Variants in ATG4A observed in about 807,000 individuals in gnomAD.
ATG4A encodes the protein cysteine protease ATG4A.
Under a neutral mutation model 38.4 loss-of-function variants are expected in ATG4A, and 22 were observed. That is an observed-to-expected ratio of 0.57 (90% confidence interval 0.41 to 0.82). ATG4A has a LOEUF of 0.82. ATG4A is among the 40% of genes least tolerant of loss of function. ATG4A has a pLI of 0.00. For synonymous variants in ATG4A, 86 were observed against 100.7 expected (o/e 0.85, Z 0.88); for missense variants, 220 against 290.0 (o/e 0.76, Z 1.75).
chrX:108,141,088 A>C (rs1271854410), intron 9 of ATG4A, among the ~76,000 whole-genome samples: 4 of 77,577 alleles, frequency 5.2e-5, no homozygotes, highest in Non-Finnish European at 9.6e-5. Context: ...ATATATATAT[A>C]TATATATATA....
intron 9 of ATG4A, among the ~76,000 whole-genome samples, chrX:108,138,865 G>T (rs1279290646): frequency 8.9e-6 from 1 of 111,842 alleles, no homozygotes. Context: ...TAGGTCTTGG[G>T]TGCGGCCTGA....
chrX:108,116,834 T>C (rs5973843), intron 1 of ATG4A, among the ~76,000 whole-genome samples: 55,396 of 110,418 alleles, frequency 0.5, 10,913 homozygotes, highest in African/African-American at 0.69. Flanking sequence ...CAAGCTTTCT[T>C]TGTCTGGAAT....
At chrX:108,141,114 A>C (rs2033282496) in intron 9 of ATG4A, among the ~76,000 whole-genome samples, 2 of 76,108 alleles carry the variant, frequency 2.6e-5, no homozygotes, top group East Asian at 4.0e-4. Context: ...ATATATCACT[A>C]AGGAATGGTG....
chrX:108,145,662 T>C (rs1272186667), intron 9 of ATG4A, among the ~76,000 whole-genome samples: 1 of 112,157 alleles, frequency 8.9e-6, no homozygotes, highest in Non-Finnish European at 1.9e-5. Flanking sequence ...ATCTCTGCAA[T>C]CCCTCCAGGG....
At chrX:108,105,757 T>A (rs1039104846) in intron 1 of ATG4A, among the ~76,000 whole-genome samples, 3 of 111,391 alleles carry the variant, frequency 2.7e-5, no homozygotes, top group African/African-American at 9.8e-5. Flanking sequence ...TAGAAACCTC[T>A]TCCTGGTTCC....
At chrX:108,132,159 A>G (rs1465849934) in intron 4 of ATG4A, among the ~76,000 whole-genome samples, 4 of 111,702 alleles carry the variant, frequency 3.6e-5, no homozygotes, top group African/African-American at 9.8e-5. Flanking sequence ...TCGGCCTCCC[A>G]AAGTGCTAGG....
intron 1 of ATG4A, among the ~76,000 whole-genome samples, chrX:108,111,119 G>A (rs775226369): frequency 9.0e-6 from 1 of 111,510 alleles, no homozygotes; most frequent in African/African-American, 3.3e-5. Flanking sequence ...GCCCAAACTG[G>A]TCTCAAACTC....
At chrX:108,143,195 A>C (rs953274745) in intron 9 of ATG4A, among the ~76,000 whole-genome samples, 4 of 112,554 alleles carry the variant, frequency 3.6e-5, no homozygotes, top group African/African-American at 1.3e-4. Context: ...TATTTTTAAC[A>C]AAAGAAGGAG....
chrX:108,120,767 A>G (rs2032628316), intron 1 of ATG4A, among the ~76,000 whole-genome samples: 2 of 111,991 alleles, frequency 1.8e-5, no homozygotes, highest in Admixed American at 1.9e-4. Flanking sequence ...TACTTTGCTG[A>G]CTTGCCCTGA....
At chrX:108,152,424 G>C (rs925366457) in intron 11 of ATG4A, among the ~76,000 whole-genome samples, 4 of 110,590 alleles carry the variant, frequency 3.6e-5, no homozygotes, top group African/African-American at 1.3e-4. Context: ...AGTAGAGACA[G>C]GGTTTCACCA....
At chrX:108,091,262 G>A (rs1011960164), upstream of ATG4A, 28 of 516,785 alleles carry the variant, frequency 5.4e-5, no homozygotes, top group Non-Finnish European at 8.6e-5. Context: ...CGCGAGTCCC[G>A]AGGTGACCCA....
At chrX:108,126,782 C>T (rs1263238233) in intron 2 of ATG4A, 16 of 980,562 alleles carry the variant, frequency 1.6e-5, no homozygotes, top group Non-Finnish European at 2.1e-5. Context: ...CTTACCATTA[C>T]ATTCTTATAG....
intron 1 of ATG4A, among the ~76,000 whole-genome samples, chrX:108,116,517 C>G (rs961808084): frequency 1.1e-4 from 12 of 112,022 alleles, no homozygotes; most frequent in African/African-American, 3.9e-4. Context: ...GAGAGAATCA[C>G]TTCCGGTCTT....
At chrX:108,108,555 G>T (rs2032255830) in intron 1 of ATG4A, among the ~76,000 whole-genome samples, 1 of 110,670 alleles carries the variant, frequency 9.0e-6, no homozygotes, top group Admixed American at 9.6e-5. Context: ...AAATCACCAC[G>T]ATCACTACCT....
At position 108,151,797 on chromosome X, in the gene ATG4A, C is replaced by T; in HGVS notation, c.961-5C>T. On this transcript the variant is annotated splice_polypyrimidine_tract_variant and splice_region_variant and intron_variant, in intron 10 of 12. Transcript: ENST00000372232. ...CTAAGTTGTGTTCTTTTGCTTTCCC[C>T]CAAGGGATTTTTCTGCAAAGAAGAA... The T allele has an allele frequency of 8.3e-7, 1 of 1,207,265 alleles. No homozygotes were observed. The highest frequency in any genetic ancestry group is 2.2e-5 in the Admixed American group (1 of 46,040).
intron 1 of ATG4A, among the ~76,000 whole-genome samples, chrX:108,099,848 A>G (rs1602608265): frequency 2.7e-5 from 3 of 112,001 alleles, no homozygotes; most frequent in African/African-American, 6.5e-5. Flanking sequence ...TCCCTCTGCC[A>G]TACCACACAG....
At chrX:108,108,165 T>TG (rs2032241676) in intron 1 of ATG4A, among the ~76,000 whole-genome samples, 1 of 98,337 alleles carries the variant, frequency 1.0e-5, no homozygotes, top group Non-Finnish European at 2.0e-5. Context: ...GGCACTTTTT[T>TG]TTTTTTTTTT....
chrX:108,095,990 G>C (rs1227732325), intron 1 of ATG4A, among the ~76,000 whole-genome samples: 1 of 112,302 alleles, frequency 8.9e-6, no homozygotes, highest in East Asian at 2.8e-4. Flanking sequence ...GATTATAGGC[G>C]TGAGCCACCA....
At chrX:108,126,597 T>C (rs1385192542) in intron 2 of ATG4A, among the ~76,000 whole-genome samples, 2 of 111,802 alleles carry the variant, frequency 1.8e-5, no homozygotes, top group African/African-American at 6.5e-5. Flanking sequence ...TCTGGCTAGA[T>C]AAAAACACCC....
Sources: gnomAD v4.1 joint callset for allele counts (sites outside exome capture counted in the v4.1 genomes callset) on GRCh38, gnomAD v4.1.1 for gene constraint, MANE v1.5 for transcripts, NCBI Gene and HGNC (gene_info 2026-07-23, HGNC 2026-07-21) for gene names.